The following ARFGEF2 variants were observed in gnomAD, a reference collection of about 807,000 sequenced individuals.
The protein encoded by ARFGEF2 is ARF guanine nucleotide exchange factor 2.
Under a neutral mutation model 219.9 loss-of-function variants are expected in ARFGEF2, and 74 were observed. The observed-to-expected ratio is 0.34, with a 90% confidence interval of 0.28 to 0.41. The LOEUF (loss-of-function observed/expected upper bound fraction) is 0.41. Ranked by LOEUF, ARFGEF2 falls within the 10% of genes least tolerant of loss-of-function variation. ARFGEF2 has a pLI of 1.00. For missense variants in ARFGEF2, 1,743 were observed against 2,218.3 expected (o/e 0.79, Z 4.30); for synonymous variants, 733 against 799.2 (o/e 0.92, Z 1.40).
At chr20:49,015,476 C>T (rs978377372) in intron 30 of ARFGEF2, among the ~76,000 whole-genome samples, 25 of 152,296 alleles carry the variant, frequency 1.6e-4, no homozygotes, top group African/African-American at 6.0e-4. Flanking sequence ...TGTTCCACAG[C>T]TTATGAACAT....
chr20:48,925,536 A>G lies in ARFGEF2; in HGVS notation c.121+3526A>G, dbSNP rs3795088. On this transcript the variant is annotated intron_variant, in intron 1 of 38. Transcript: ENST00000371917. ...TAGGATAATCTATTTAAAATTCGAT[A>G]TGGAAAAATTTATCTATGGCTGGGC... Among the ~76,000 whole-genome samples the G allele has an allele frequency of 3.3e-5, 5 of 152,294 alleles. No homozygotes were observed. In the East Asian group the frequency reaches 9.6e-4, roughly 29 times the overall value.
At position 49,024,927 on chromosome 20, in the gene ARFGEF2, C is replaced by T. The variant is rs553244711; in HGVS notation, c.4756-386C>T. On this transcript the variant is annotated intron_variant, in intron 35 of 38. Transcript: ENST00000371917. ...AGGAGAATCACTTGAACCCGGGAGG[C>T]GGAGGTTGCAGTGAGCCAAGATTGC... is the stretch of plus-strand genomic sequence containing the variant. Among the ~76,000 whole-genome samples the T allele has an allele frequency of 1.8e-4, 28 of 152,224 alleles. No homozygotes were observed. The South Asian group carries it at 2.9e-3, about 16-fold the overall frequency.
intron 28 of ARFGEF2, among the ~76,000 whole-genome samples, chr20:49,013,154 C>A (rs187987674): frequency 1.3e-3 from 205 of 152,262 alleles, no homozygotes; most frequent in Middle Eastern, 6.8e-3. Context: ...GTGCCTGGCC[C>A]ATAGCAAGCA....
chr20:48,933,461 TC>T (rs2090926569), intron 1 of ARFGEF2, among the ~76,000 whole-genome samples: 1 of 152,082 alleles, frequency 6.6e-6, no homozygotes, highest in Non-Finnish European at 1.5e-5. Flanking sequence ...ATTAGAGTGT[TC>T]CTGCCTCCCT....
intron 11 of ARFGEF2, 141 bp downstream of exon 11, chr20:48,972,566 C>A: frequency 1.3e-6 from 1 of 746,084 alleles, no homozygotes; most frequent in Admixed American, 2.1e-5. Flanking sequence ...TCCTGCCCCA[C>A]CTCTCCTTTT....
chr20:48,986,953 C>T lies in ARFGEF2; in HGVS notation c.2276+1340C>T, dbSNP rs553623175. Among the ~76,000 whole-genome samples the T allele has an allele frequency of 1.5e-4, 23 of 152,314 alleles. No homozygotes were observed. In the South Asian group the frequency reaches 4.3e-3, roughly 29 times the overall value. On this transcript the variant is annotated intron_variant, in intron 16 of 38. Transcript: ENST00000371917. ...CTCCTAGCCTCAAGGGATCCTCCTG[C>T]CTCAGCCTCCCAAAGTGGGGGATTT...
rs370049355 is a variant in ARFGEF2 at position 48,977,174 on chromosome 20, C to T, written c.1958+975C>T. ...CCCCCTGTGTGTGATATTCCCCGCC[C>T]TGTGTCTGAGTGTTCTCATTGTTTG... On this transcript the variant is annotated intron_variant, in intron 14 of 38. Transcript: ENST00000371917. Among the ~76,000 whole-genome samples, 57 of 151,768 alleles carry T rather than the reference C, an allele frequency of 3.8e-4. 1 individual carries two copies. The highest frequency in any genetic ancestry group is 1.0e-3 in the African/African-American group (42 of 41,334).
At chr20:48,984,479 G>T (rs565029821) in intron 14 of ARFGEF2, among the ~76,000 whole-genome samples, 1 of 152,262 alleles carries the variant, frequency 6.6e-6, no homozygotes, top group Non-Finnish European at 1.5e-5. Context: ...CAGCTAACAC[G>T]TAGGGTTCTA....
intron 12 of ARFGEF2, 23 bp downstream of exon 12, chr20:48,973,307 A>G (rs966281620): frequency 1.2e-6 from 2 of 1,613,384 alleles, no homozygotes; most frequent in African/African-American, 1.3e-5. Flanking sequence ...TGGACACTCA[A>G]TTATATTAAA....
intron 21 of ARFGEF2, among the ~76,000 whole-genome samples, 176 bp from the exon 22 acceptor site, chr20:48,994,275 G>A (rs1433524660): frequency 6.6e-6 from 1 of 152,174 alleles, no homozygotes; most frequent in Non-Finnish European, 1.5e-5. Flanking sequence ...GGAGGAATCC[G>A]CCGCCCCAGT....
intron 16 of ARFGEF2, 94 bp from the exon 17 acceptor site, chr20:48,988,210 T>C: frequency 1.5e-5 from 13 of 881,694 alleles, no homozygotes; most frequent in Non-Finnish European, 2.2e-5. Flanking sequence ...AGGGGAGTAG[T>C]CGGCTGCTTT....
At chr20:48,963,717 A>G (rs2091168961) in intron 6 of ARFGEF2, 113 bp from the exon 7 acceptor site, 3 of 1,052,196 alleles carry the variant, frequency 2.9e-6, no homozygotes, top group East Asian at 2.6e-5. Flanking sequence ...GGGAGAACTT[A>G]TTTGCACCCT....
chr20:48,963,712 A>G, intron 6 of ARFGEF2, 118 bp from the exon 7 acceptor site: 1 of 971,554 alleles, frequency 1.0e-6, no homozygotes, highest in Non-Finnish European at 1.6e-6. Flanking sequence ...CCTTGGGGAG[A>G]ACTTATTTGC....
At chr20:48,958,748 G>A (rs916418898) in intron 6 of ARFGEF2, among the ~76,000 whole-genome samples, 1 of 152,016 alleles carries the variant, frequency 6.6e-6, no homozygotes, top group African/African-American at 2.4e-5. Flanking sequence ...AGCCTTCTCT[G>A]ATGTTCTTAA....
intron 3 of ARFGEF2, among the ~76,000 whole-genome samples, chr20:48,945,748 C>G (rs1280510039): frequency 6.6e-6 from 1 of 152,132 alleles, no homozygotes; most frequent in Non-Finnish European, 1.5e-5. Context: ...CCTTTAGTCC[C>G]AGTTACTCAG....
In ARFGEF2 at chr20:48,998,382, T is replaced by C; in HGVS notation, c.3309T>C (p.Ala1103=). ...WLCAVSMDEL[A]SPHHPRMFSL... The stretch of plus-strand genomic sequence containing the variant: ...GTGCTGTGTCCATGGATGAACTGGC[T>C]TCCCCCCACCATCCTCGCATGTTCA... Residue 1103 remains alanine, a synonymous_variant, in exon 25 of 39, where the codon GCT becomes GCC. Coordinates refer to ENST00000371917, the MANE Select transcript of ARFGEF2 (RefSeq NM_006420.3). 6.2e-7 allele frequency: 1 copy of C among 1,614,150 alleles called. No homozygotes were observed. Among genetic ancestry groups the C allele is most frequent in the Non-Finnish European group, 8.5e-7 (1 of 1,180,020 alleles).
intron 26 of ARFGEF2, 144 bp from the exon 27 acceptor site, chr20:49,010,088 G>T: frequency 1.0e-6 from 1 of 966,738 alleles, no homozygotes; most frequent in Non-Finnish European, 1.6e-6. Context: ...GAATGGAAGT[G>T]AGAGGAAACG....
In ARFGEF2 at chr20:48,995,968, T is replaced by G; in HGVS notation, c.3221+86T>G. 4 of 1,192,932 alleles carry G rather than the reference T, an allele frequency of 3.4e-6. No homozygotes were observed. The South Asian group carries it at 3.7e-5, about 11-fold the overall frequency. The allele number at this position is 1,192,932 out of a possible 1,614,324, so 73.9% of individuals were successfully genotyped here. A position where few individuals can be genotyped will look rare whatever the true frequency, so the allele number is the denominator to read the frequency against. ...TTACTGGACATGAATGATTCCTAAT[T>G]TCTTTAACTGATACAAGTGTTGTTA... On this transcript the variant is annotated intron_variant, in intron 23 of 38. Coordinates refer to ENST00000371917, the MANE Select transcript of ARFGEF2 (RefSeq NM_006420.3).
intron 26 of ARFGEF2, among the ~76,000 whole-genome samples, chr20:49,008,593 T>C (rs2091477396): frequency 1.3e-5 from 2 of 151,268 alleles, no homozygotes; most frequent in Non-Finnish European, 2.9e-5. Flanking sequence ...GTTTATAATG[T>C]GGGAAATGAC....
Sources: allele counts gnomAD v4.1 joint callset (sites outside exome capture counted in the v4.1 genomes callset), GRCh38; gene constraint gnomAD v4.1.1; transcripts MANE v1.5; gene names NCBI Gene and HGNC (gene_info 2026-07-23, HGNC 2026-07-21).